The following ZMAT4 variants were observed in gnomAD, a reference collection of about 807,000 sequenced individuals.
ZMAT4 encodes the protein zinc finger matrin-type 4, also known as zinc finger matrin-type protein 4.
In ZMAT4, 17 loss-of-function variants were observed where a neutral mutation model predicts 28.7. The ratio of observed to expected loss-of-function variants is 0.59; its 90% CI spans 0.41 to 0.89. The LOEUF (loss-of-function observed/expected upper bound fraction) is 0.89. Ranked by LOEUF, ZMAT4 falls within the 40% of genes least tolerant of loss-of-function variation. The pLI, the probability that ZMAT4 is intolerant of heterozygous loss-of-function variation, is 0.00. For synonymous variants in ZMAT4, 117 were observed against 109.2 expected (o/e 1.07, Z -0.44); for missense variants, 240 against 283.8 (o/e 0.85, Z 1.11).
intron 3 of ZMAT4, among the ~76,000 whole-genome samples, chr8:40,699,412 A>G (rs1248383382): frequency 6.6e-6 from 1 of 152,194 alleles, no homozygotes; most frequent in Non-Finnish European, 1.5e-5. Context: ...ACAAAGAACT[A>G]AAAATAGAAC....
At chr8:40,605,014 T>C (rs1805531448) in intron 5 of ZMAT4, among the ~76,000 whole-genome samples, 1 of 152,218 alleles carries the variant, frequency 6.6e-6, no homozygotes, top group Admixed American at 6.5e-5. Flanking sequence ...ATTTCTGTGG[T>C]ATCAGTTGTG....
intron 4 of ZMAT4, among the ~76,000 whole-genome samples, chr8:40,693,628 A>G (rs1191550811): frequency 6.6e-6 from 1 of 152,206 alleles, no homozygotes; most frequent in East Asian, 1.9e-4. Flanking sequence ...CCACATAGCA[A>G]ATATTTTAGG....
chr8:40,739,231 A>G (rs1240216058), intron 3 of ZMAT4, among the ~76,000 whole-genome samples: 1 of 152,206 alleles, frequency 6.6e-6, no homozygotes, highest in Non-Finnish European at 1.5e-5. Flanking sequence ...GCAAAAGAAT[A>G]CCCAAAAGGA....
intron 6 of ZMAT4, among the ~76,000 whole-genome samples, chr8:40,576,138 A>C (rs979088880): frequency 5.9e-5 from 9 of 152,152 alleles, no homozygotes; most frequent in African/African-American, 1.9e-4. Context: ...ATAATAAAGA[A>C]TAAAAAAGAT....
chr8:40,889,480 GA>G (rs1179166079), intron 1 of ZMAT4, among the ~76,000 whole-genome samples: 3 of 152,146 alleles, frequency 2.0e-5, no homozygotes, highest in Non-Finnish European at 2.9e-5. Flanking sequence ...TTTACTGGAG[GA>G]AATTTGGATA....
intron 4 of ZMAT4, among the ~76,000 whole-genome samples, chr8:40,694,708 A>G (rs1232709522): frequency 6.6e-6 from 1 of 152,088 alleles, no homozygotes; most frequent in African/African-American, 2.4e-5. Flanking sequence ...TTTCTCTGAC[A>G]TTCTCCTACC....
chr8:40,790,414 G>A (rs1387636842), intron 2 of ZMAT4, among the ~76,000 whole-genome samples: 1 of 152,056 alleles, frequency 6.6e-6, no homozygotes, highest in Non-Finnish European at 1.5e-5. Context: ...CACAAAATTA[G>A]AAATTGATAT....
chr8:40,795,829 A>G (rs1814573396), intron 2 of ZMAT4, among the ~76,000 whole-genome samples: 1 of 152,234 alleles, frequency 6.6e-6, no homozygotes. Context: ...CTACCACCAC[A>G]AGCATCATAG....
At chr8:40,874,101 T>C (rs1237481294) in intron 1 of ZMAT4, among the ~76,000 whole-genome samples, 1 of 152,206 alleles carries the variant, frequency 6.6e-6, no homozygotes, top group Non-Finnish European at 1.5e-5. Context: ...GCTTCTTTTC[T>C]GTAACTTCCG....
At chr8:40,876,036 G>A (rs1190624730) in intron 1 of ZMAT4, among the ~76,000 whole-genome samples, 1 of 152,204 alleles carries the variant, frequency 6.6e-6, no homozygotes, top group Non-Finnish European at 1.5e-5. Flanking sequence ...CTATAGTAAA[G>A]GGATTGGGCT....
At chr8:40,877,754 G>A (rs1018937465) in intron 1 of ZMAT4, among the ~76,000 whole-genome samples, 1 of 152,098 alleles carries the variant, frequency 6.6e-6, no homozygotes, top group Non-Finnish European at 1.5e-5. Context: ...AAGACGGAGA[G>A]AGTTTTCTCC....
At chr8:40,566,611 C>G (rs1168492799) in intron 6 of ZMAT4, among the ~76,000 whole-genome samples, 2 of 152,124 alleles carry the variant, frequency 1.3e-5, no homozygotes, top group Non-Finnish European at 2.9e-5. Flanking sequence ...AAATAGAAAC[C>G]TGTATGACTT....
chr8:40,602,178 G>T (rs759029086), intron 5 of ZMAT4, among the ~76,000 whole-genome samples: 1 of 152,070 alleles, frequency 6.6e-6, no homozygotes, highest in Non-Finnish European at 1.5e-5. Context: ...TCCAGGTTGC[G>T]CGAATGCCAT....
chr8:40,801,351 A>AAAAAATATATATATAT (rs370796453), intron 2 of ZMAT4, among the ~76,000 whole-genome samples: 17 of 97,260 alleles, frequency 1.7e-4, no homozygotes, highest in African/African-American at 5.9e-4. Context: ...TAAAAAAAAA[A>AAAAAATATATATATAT]ATATATATAT....
At chr8:40,875,792 G>A (rs959235974) in intron 1 of ZMAT4, among the ~76,000 whole-genome samples, 7 of 152,146 alleles carry the variant, frequency 4.6e-5, no homozygotes, top group South Asian at 2.1e-4. Context: ...TCATTGGTCC[G>A]CCCTTCTGTG....
intron 5 of ZMAT4, among the ~76,000 whole-genome samples, chr8:40,589,758 T>TTCTTTCTTTCTTTCTTTCTTTC (rs1563353934): frequency 2.7e-5 from 4 of 147,778 alleles, no homozygotes; most frequent in South Asian, 2.2e-4. Flanking sequence ...CTTTCTTTCT[T>TTCTTTCTTTCTTTCTTTCTTTC]TCTTTTTCTT....
chr8:40,592,509 T>G (rs1804931808), intron 5 of ZMAT4, among the ~76,000 whole-genome samples: 2 of 152,234 alleles, frequency 1.3e-5, no homozygotes. Flanking sequence ...CTAAAACAAT[T>G]ATTTCTCTAT....
intron 3 of ZMAT4, among the ~76,000 whole-genome samples, chr8:40,723,559 A>AG: frequency 6.6e-6 from 1 of 151,168 alleles, no homozygotes; most frequent in East Asian, 1.9e-4. Context: ...AAAAAAAAAA[A>AG]AAAAAAGATT....
At chr8:40,875,421 T>A (rs1259278227) in intron 1 of ZMAT4, among the ~76,000 whole-genome samples, 1 of 152,012 alleles carries the variant, frequency 6.6e-6, no homozygotes, top group Non-Finnish European at 1.5e-5. Context: ...ACAGGGGAAT[T>A]GGTTGAAAAG....
Sources: allele counts gnomAD v4.1 joint callset (sites outside exome capture counted in the v4.1 genomes callset), GRCh38; gene constraint gnomAD v4.1.1; transcripts MANE v1.5; gene names NCBI Gene and HGNC (gene_info 2026-07-23, HGNC 2026-07-21).